NLE1: variants seen among roughly 807,000 people sequenced by gnomAD.
The protein encoded by NLE1 is notchless protein homolog 1.
Under a neutral mutation model 62.8 loss-of-function variants are expected in NLE1, and 37 were observed. The ratio of observed to expected loss-of-function variants is 0.59; its 90% CI spans 0.45 to 0.78. The LOEUF is 0.78. Ranked by LOEUF, NLE1 falls within the 30% of genes least tolerant of loss-of-function variation. NLE1 has a pLI of 0.00. For missense variants in NLE1, 555 were observed against 637.9 expected (o/e 0.87, Z 1.40); for synonymous variants, 243 against 253.0 (o/e 0.96, Z 0.37).
In NLE1 at chr17:35,142,096, C is replaced by G; in HGVS notation, c.45G>C (p.Gln15His). Residue 15 changes from glutamine (Q) to histidine (H), a missense_variant, in exon 2 of 13, where the codon CAG becomes CAC. Physicochemically the swap from Gln to His is conservative, Grantham distance 24. Transcript: ENST00000442241. The part of the protein sequence containing the change: ...VPDEAVARDV[Q>H]RLLVQFQDEG... The stretch of plus-strand genomic sequence containing the variant: ...CATCCTGGAACTGCACTAGCAACCG[C>G]TGCACATCGCGCGCCACCGCCTCGT... 3 of 1,612,244 alleles carry G rather than the reference C, an allele frequency of 1.9e-6. No individual in the cohort carries two copies. The South Asian group carries it at 3.3e-5, about 18-fold the overall frequency.
chr17:35,142,185 T>C, intron 1 of NLE1, 63 bp from the exon 2 acceptor site: 2 of 1,597,032 alleles, frequency 1.3e-6, no homozygotes, highest in Non-Finnish European at 1.7e-6. Context: ...CCACTTCGCC[T>C]CTCTCAGGCC....
chr17:35,141,387 A>G (rs1426377309), intron 2 of NLE1, among the ~76,000 whole-genome samples: 1 of 152,028 alleles, frequency 6.6e-6, no homozygotes. Context: ...CCCCACTAAA[A>G]ATACAAAAAT....
intron 10 of NLE1, among the ~76,000 whole-genome samples, chr17:35,134,759 C>A (rs1467228114): frequency 6.6e-6 from 1 of 151,928 alleles, no homozygotes; most frequent in African/African-American, 2.4e-5. Context: ...CTCATTAAAT[C>A]CGTGTAACTA....
chr17:35,134,902 A>C (rs2091899185), intron 10 of NLE1: 1 of 381,848 alleles, frequency 2.6e-6, no homozygotes, highest in South Asian at 2.0e-5. Context: ...AAATACAAAA[A>C]TTAGCCAGGC....
chr17:35,139,182 G>GGTCCA (rs2091927575), intron 4 of NLE1, 53 bp downstream of exon 4: 2 of 1,495,888 alleles, frequency 1.3e-6, no homozygotes, highest in East Asian at 4.6e-5. Context: ...AACAGAGCAA[G>GGTCCA]ACCTTGTCTC....
chr17:35,137,058 G>C lies in NLE1; in HGVS notation c.771C>G (p.Asp257Glu). The C allele has an allele frequency of 6.2e-7, 1 of 1,613,930 alleles. No homozygotes were observed. Among genetic ancestry groups the C allele is most frequent in the South Asian group, 1.1e-5 (1 of 91,060 alleles). The change falls in exon 7 of 13, where the codon GAC (aspartate) becomes GAG (glutamate). Residue 257 changes from aspartate to glutamate, a missense_variant. Transcript: ENST00000442241. ...QSVTCLRWGG[D>E]GLLYSASQDR... Reference sequence around the variant, plus strand: ...CCTGGGAGGCAGAGTAGAGAAGCCCGTCCCCTCCCCACCGGAGACAGGTGA... The same window carrying C: ...CCTGGGAGGCAGAGTAGAGAAGCCCCTCCCCTCCCCACCGGAGACAGGTGA...
Position 35,130,257 on chromosome 17 carries a change from G to C in NLE1, c.*2180C>G. 6.2e-7 allele frequency: 1 copy of C among 1,611,236 alleles called. No homozygotes were observed. The highest frequency in any genetic ancestry group is 8.5e-7 in the Non-Finnish European group (1 of 1,178,402). ...AGGTTCAGATCTGGGAAGGAACTCT[G>C]AAGGGTTTTCTTGTTTCACTTCAGT... On this transcript the variant is annotated 3_prime_UTR_variant, in exon 13 of 13. Coordinates refer to ENST00000442241, the MANE Select transcript of NLE1 (RefSeq NM_018096.5).
Position 35,137,472 on chromosome 17 carries a change from GC to G in NLE1, c.635+70del, listed in dbSNP as rs147760459. 4,608 of 1,269,206 alleles carry G rather than the reference GC, an allele frequency of 3.6e-3. 138 individuals are homozygous for G. The African/African-American group carries it at 0.061, about 17-fold the overall frequency. 78.6% of individuals were successfully genotyped at this position (1,269,206 alleles called of 1,614,324 possible). The stretch of plus-strand genomic sequence containing the variant: ...TTGTCCCCTCACGTAAAACTTCTAT[GC>G]ATTGGGCAGGGAAAGGGGATGGCTT... On this transcript the variant is annotated intron_variant, in intron 6 of 12. Coordinates refer to ENST00000442241, the MANE Select transcript of NLE1 (RefSeq NM_018096.5).
intron 2 of NLE1, 129 bp downstream of exon 2, chr17:35,141,850 A>G: frequency 9.8e-7 from 1 of 1,018,848 alleles, no homozygotes; most frequent in Non-Finnish European, 1.4e-6. Context: ...CATAGGTGGG[A>G]GCTCACGCCA....
At chr17:35,135,853 C>T (rs1026272093) in intron 9 of NLE1, among the ~76,000 whole-genome samples, 1 of 152,028 alleles carries the variant, frequency 6.6e-6, no homozygotes, top group African/African-American at 2.4e-5. Context: ...ACAATAGAGA[C>T]GGGAGACTCC....
Position 35,129,032 on chromosome 17 carries a change from G to C in NLE1, c.*3405C>G, listed in dbSNP as rs1308986897. The stretch of plus-strand genomic sequence containing the variant: ...TGATCTGACAGGAGGCAGAGCTCAG[G>C]TGGTACCCTGAGCCGTGGGGAGCAG... On this transcript the variant is annotated 3_prime_UTR_variant, in exon 13 of 13. Transcript: ENST00000442241. 2.0e-5 allele frequency: 4 copies of C among 198,862 alleles called. No homozygotes were observed. The highest frequency in any genetic ancestry group is 2.3e-5 in the African/African-American group (1 of 43,652). 12.3% of individuals were successfully genotyped at this position (198,862 alleles called of 1,614,324 possible).
intron 1 of NLE1, 61 bp from the exon 2 acceptor site, chr17:35,142,183 C>T: frequency 6.3e-7 from 1 of 1,598,242 alleles, no homozygotes; most frequent in Admixed American, 1.7e-5. Flanking sequence ...CCCCACTTCG[C>T]CTCTCTCAGG....
rs750971044 is a variant in NLE1, at chr17:35,137,827, C to T, written c.524G>A (p.Cys175Tyr). 1.2e-6 allele frequency: 2 copies of T among 1,612,716 alleles called. No homozygotes were observed. The highest frequency in any genetic ancestry group is 3.3e-5 in the Admixed American group (2 of 59,974). Reference protein sequence around the residue: ...SPDGRKLASGCKNGQILLWDP... With the variant: ...SPDGRKLASGYKNGQILLWDP... Reference sequence around the variant, plus strand: ...AGAACTACCTACCTGGCCATTCTTGCAGCCTGAGGCCAGCTTCCTGCCATC... The same window carrying T: ...AGAACTACCTACCTGGCCATTCTTGTAGCCTGAGGCCAGCTTCCTGCCATC... Residue 175 changes from cysteine (C) to tyrosine (Y), a missense_variant, in exon 5 of 13, where the codon TGC (cysteine) becomes TAC (tyrosine). Transcript: ENST00000442241.
intron 9 of NLE1, among the ~76,000 whole-genome samples, chr17:35,135,768 T>C (rs1286378700): frequency 6.6e-6 from 1 of 152,214 alleles, no homozygotes; most frequent in Non-Finnish European, 1.5e-5. Flanking sequence ...CTTATACATA[T>C]ATACTGTATA....
Position 35,133,402 on chromosome 17 carries a change from T to G in NLE1, c.1311A>C (p.Thr437=). 1 of 1,614,154 alleles carries G rather than the reference T, an allele frequency of 6.2e-7. No homozygotes were observed. Among genetic ancestry groups the G allele is most frequent in the Non-Finnish European group, 8.5e-7 (1 of 1,180,030 alleles). Residue 437 remains threonine, a synonymous_variant, in exon 11 of 13, where the codon ACA becomes ACC. Transcript: ENST00000442241. ...RLLVSGSSDS[T]LKVWDVKAQK... ...GGGCCTTCACATCCCACACCTTCAG[T>G]GTGCTGTCACTGCTGCCGCTGACCA...
chr17:35,135,408 G>C lies in NLE1; in HGVS notation c.1055C>G (p.Thr352Ser). 2.5e-6 allele frequency: 4 copies of C among 1,614,184 alleles called. No homozygotes were observed. Among genetic ancestry groups the C allele is most frequent in the Non-Finnish European group, 3.4e-6 (4 of 1,180,030 alleles). Residue 352 changes from threonine (T) to serine (S), a missense_variant, in exon 10 of 13, where the codon ACC (threonine) becomes AGC (serine). Thr to Ser is a moderately conservative substitution (Grantham distance 58, BLOSUM62 1). Coordinates refer to ENST00000442241, the MANE Select transcript of NLE1 (RefSeq NM_018096.5). ...CTCTGCTGGGGACCACAGGAATAAG[G>C]TGAAGTCGTCGGAGCCAGACACCAG... ...ERLVSGSDDFTLFLWSPAEDK... is the reference protein window; with the variant it reads ...ERLVSGSDDFSLFLWSPAEDK...
intron 2 of NLE1, among the ~76,000 whole-genome samples, chr17:35,140,762 T>C (rs1345633643): frequency 6.6e-6 from 1 of 152,116 alleles, no homozygotes; most frequent in Non-Finnish European, 1.5e-5. Flanking sequence ...GGCTAATTTT[T>C]GTATTTTCAG....
In NLE1 at chr17:35,141,959, CGCCCTGGCCA is replaced by C; in HGVS notation, c.162+10_162+19del. 1 of 1,554,468 alleles carries C rather than the reference CGCCCTGGCCA, an allele frequency of 6.4e-7. No individual in the cohort carries two copies. The highest frequency in any genetic ancestry group is 1.2e-5 in the South Asian group (1 of 85,024). On this transcript the variant is annotated intron_variant, in intron 2 of 12. Transcript: ENST00000442241. ...CCGCCCGGGGGTGGAGATGCGAGGCCGCCCTGGCCAGCCACTTACCTGGGCCAGTAGCGCG... is the reference window on the plus strand; with the variant it reads ...CCGCCCGGGGGTGGAGATGCGAGGCCGCCACTTACCTGGGCCAGTAGCGCG...
In NLE1 at chr17:35,142,078, G is replaced by C. The variant is rs1365891354; in HGVS notation, c.63C>G (p.Phe21Leu). The change falls in exon 2 of 13, where the codon TTC becomes TTG. Residue 21 changes from phenylalanine (F) to leucine (L), a missense_variant. Phe to Leu is a conservative substitution (Grantham distance 22, BLOSUM62 0). Transcript: ENST00000442241. ...CCAGCAGCTGCCCGCCCTCATCCTG[G>C]AACTGCACTAGCAACCGCTGCACAT... ...ARDVQRLLVQ[F>L]QDEGGQLLGS... 1 of 1,612,706 alleles carries C rather than the reference G, an allele frequency of 6.2e-7. No individual in the cohort carries two copies.
Sources: allele counts gnomAD v4.1 joint callset (sites outside exome capture counted in the v4.1 genomes callset), GRCh38; gene constraint gnomAD v4.1.1; transcripts MANE v1.5; gene names NCBI Gene and HGNC (gene_info 2026-07-23, HGNC 2026-07-21).